The following NF1 variants were observed in gnomAD, a reference collection of about 807,000 sequenced individuals.
NF1 encodes neurofibromin 1, also known as neurofibromin.
In NF1, 122 loss-of-function variants were observed where a neutral mutation model predicts 325.7. The ratio of observed to expected loss-of-function variants is 0.37; its 90% CI spans 0.32 to 0.44. The LOEUF (loss-of-function observed/expected upper bound fraction) is 0.44, where lower values mean the gene tolerates loss of function less well. NF1 is among the 20% of genes least tolerant of loss of function. The pLI is 1.00. For synonymous variants in NF1, 1,091 were observed against 1,186.0 expected (o/e 0.92, Z 1.65); for missense variants, 2,140 against 3,415.4 (o/e 0.63, Z 9.31).
intron 33 of NF1, among the ~76,000 whole-genome samples, chr17:31,260,125 A>G (rs558666117): frequency 2.6e-5 from 4 of 152,172 alleles, no homozygotes; most frequent in Admixed American, 1.3e-4. Flanking sequence ...AGTTTCATCC[A>G]TCTTAATTTT....
chr17:31,368,126 G>A (rs79969815), intron 57 of NF1, among the ~76,000 whole-genome samples: 6,367 of 152,118 alleles, frequency 0.042, 447 homozygotes, highest in African/African-American at 0.15. Context: ...GTTGGTGAAC[G>A]TCATTTTTAA....
At chr17:31,337,766 C>A (rs2151557140) in intron 43 of NF1, 53 bp from the exon 44 acceptor site, 1 of 1,562,086 alleles carries the variant, frequency 6.4e-7, no homozygotes, top group Non-Finnish European at 8.8e-7. Context: ...ATTATTTAAA[C>A]AGTTCTAAAA....
chr17:31,174,934 C>A (rs1417261299), intron 5 of NF1, among the ~76,000 whole-genome samples: 1 of 151,796 alleles, frequency 6.6e-6, no homozygotes, highest in East Asian at 1.9e-4. Flanking sequence ...CATGGTGAAA[C>A]CCCATCTCTA....
At chr17:31,157,056 G>A (rs1414118510) in intron 2 of NF1, among the ~76,000 whole-genome samples, 3 of 152,034 alleles carry the variant, frequency 2.0e-5, no homozygotes, top group South Asian at 2.1e-4. Context: ...GCGCAATCTC[G>A]GCTTACTGTA....
chr17:31,241,961 GAA>G (rs2067303077), intron 29 of NF1, among the ~76,000 whole-genome samples: 1 of 151,936 alleles, frequency 6.6e-6, no homozygotes, highest in Admixed American at 6.6e-5. Flanking sequence ...GTTTGTCTAG[GAA>G]AGTCTTTATT....
rs371265998 is a variant in NF1, at chr17:31,200,405, A to G, written c.889-17A>G. 43 of 1,612,982 alleles carry G rather than the reference A, an allele frequency of 2.7e-5. 1 individual carries two copies. Among genetic ancestry groups the G allele is most frequent in the African/African-American group, 2.1e-4 (16 of 74,984 alleles). On this transcript the variant is annotated splice_polypyrimidine_tract_variant and intron_variant, in intron 8 of 57. Transcript: ENST00000358273. ...AAACTTCATATATTATCTTATCGCT[A>G]TATTTGAATTCTGTAGAAGTTATTT...
chr17:31,144,118 T>C (rs747535728), intron 1 of NF1, among the ~76,000 whole-genome samples: 2 of 152,160 alleles, frequency 1.3e-5, no homozygotes, highest in African/African-American at 2.4e-5. Flanking sequence ...CCACTGCGCC[T>C]GGCCTTGTTC....
chr17:31,302,065 C>T (rs73275664), intron 36 of NF1, among the ~76,000 whole-genome samples: 1 of 152,132 alleles, frequency 6.6e-6, no homozygotes, highest in Non-Finnish European at 1.5e-5. Flanking sequence ...TCAGCTTCCA[C>T]TGACCTCACT....
rs1597796108 is a variant in NF1 at position 31,301,338 on chromosome 17, T to G, written c.4836-24482T>G. Among the ~76,000 whole-genome samples the G allele has an allele frequency of 3.3e-5, 5 of 152,160 alleles. No homozygotes were observed. In the South Asian group the frequency reaches 1.0e-3, roughly 32 times the overall value. The stretch of plus-strand genomic sequence containing the variant: ...TGGTCCTTGGTGTTCCAATATAGTG[T>G]GAAGTATGGATCAAATTTTTTCTTT... On this transcript the variant is annotated intron_variant, in intron 36 of 57. Coordinates refer to ENST00000358273, the MANE Select transcript of NF1 (RefSeq NM_001042492.3).
intron 57 of NF1, among the ~76,000 whole-genome samples, chr17:31,363,562 G>A (rs1160147720): frequency 7.1e-6 from 1 of 140,514 alleles, no homozygotes; most frequent in Non-Finnish European, 1.5e-5. Context: ...TCAGCCTCCC[G>A]AGTAGCTGGG....
intron 1 of NF1, among the ~76,000 whole-genome samples, chr17:31,105,946 C>T (rs568725906): frequency 6.6e-6 from 1 of 152,196 alleles, no homozygotes; most frequent in Non-Finnish European, 1.5e-5. Context: ...CTACTAGAAA[C>T]TTTTAAGGAT....
chr17:31,226,709 T>A lies in NF1; in HGVS notation c.2251+25T>A, dbSNP rs1325800303. ...GGTAAATGTGAATAGTGGTTTTTTTTACTCAGTCTGCCTCAAAGCACATGG... is the reference window on the plus strand; with the variant it reads ...GGTAAATGTGAATAGTGGTTTTTTTAACTCAGTCTGCCTCAAAGCACATGG... On this transcript the variant is annotated intron_variant, in intron 18 of 57. Coordinates refer to ENST00000358273, the MANE Select transcript of NF1 (RefSeq NM_001042492.3). 7 of 1,612,868 alleles carry A rather than the reference T, an allele frequency of 4.3e-6. No individual in the cohort carries two copies. In the African/African-American group the frequency reaches 9.3e-5, roughly 22 times the overall value.
At chr17:31,305,635 A>G in intron 36 of NF1, 1 of 1,591,826 alleles carries the variant, frequency 6.3e-7, no homozygotes, top group Non-Finnish European at 8.6e-7. Context: ...CGTTATCTAT[A>G]GCGGGTTTAT....
chr17:31,222,110 TCA>T, intron 15 of NF1, 181 bp downstream of exon 15: 2 of 1,300,162 alleles, frequency 1.5e-6, no homozygotes, highest in Admixed American at 7.3e-5. Context: ...AAGAAAAGTA[TCA>T]CAGCAATTTA....
intron 57 of NF1, chr17:31,367,260 C>T (rs768890492): frequency 7.6e-7 from 1 of 1,312,028 alleles, no homozygotes; most frequent in Non-Finnish European, 1.0e-6. Flanking sequence ...AGTTTTCATG[C>T]AGCTGTTCCC....
chr17:31,212,495 G>A (rs1376042159), intron 12 of NF1, among the ~76,000 whole-genome samples: 1 of 152,192 alleles, frequency 6.6e-6, no homozygotes, highest in South Asian at 2.1e-4. Context: ...GATCACCTGA[G>A]ATCAGGAGTC....
intron 1 of NF1, among the ~76,000 whole-genome samples, chr17:31,100,553 T>TTAACA (rs1912227106): frequency 1.3e-5 from 2 of 152,070 alleles, no homozygotes; most frequent in African/African-American, 4.8e-5. Context: ...TTTATTATTA[T>TTAACA]TGTTATTTTA....
At chr17:31,280,790 T>C (rs2068103745) in intron 36 of NF1, among the ~76,000 whole-genome samples, 1 of 152,002 alleles carries the variant, frequency 6.6e-6, no homozygotes, top group Non-Finnish European at 1.5e-5. Flanking sequence ...GTGCTCCTTT[T>C]AGCTAAGTTT....
At chr17:31,188,952 A>G (rs887840213) in intron 8 of NF1, among the ~76,000 whole-genome samples, 1 of 152,180 alleles carries the variant, frequency 6.6e-6, no homozygotes, top group Non-Finnish European at 1.5e-5. Flanking sequence ...TTAATGCTTA[A>G]TAAACTCCCC....
Sources: gnomAD v4.1 joint callset for allele counts (sites outside exome capture counted in the v4.1 genomes callset) on GRCh38, gnomAD v4.1.1 for gene constraint, MANE v1.5 for transcripts, NCBI Gene and HGNC (gene_info 2026-07-23, HGNC 2026-07-21) for gene names.